DLG2: variants seen among roughly 807,000 people sequenced by gnomAD.
The protein encoded by DLG2 is disks large homolog 2.
Under a neutral mutation model 132.5 loss-of-function variants are expected in DLG2, and 45 were observed. That is an observed-to-expected ratio of 0.34 (90% confidence interval 0.27 to 0.44). DLG2 has a LOEUF of 0.44. Ranked by LOEUF, DLG2 falls within the 20% of genes least tolerant of loss-of-function variation. DLG2 has a pLI of 1.00. For synonymous variants in DLG2, 424 were observed against 419.6 expected, an observed-to-expected ratio of 1.01 and a Z score of -0.13; for missense variants, 1,045 against 1,196.9, an observed-to-expected ratio of 0.87 and a Z score of 1.87.
intron 6 of DLG2, among the ~76,000 whole-genome samples, chr11:84,668,719 C>T (rs2099702479): frequency 2.0e-5 from 3 of 152,158 alleles, no homozygotes; most frequent in African/African-American, 4.8e-5. Context: ...AGTCAAGTCA[C>T]CATTTCCCCT....
At chr11:85,282,897 T>G (rs1478635764) in intron 4 of DLG2, among the ~76,000 whole-genome samples, 1 of 151,982 alleles carries the variant, frequency 6.6e-6, no homozygotes, top group East Asian at 1.9e-4. Flanking sequence ...CATGGAATAC[T>G]ACACAGCCAT....
chr11:85,450,085 C>T (rs760744385), intron 3 of DLG2, among the ~76,000 whole-genome samples: 1 of 151,992 alleles, frequency 6.6e-6, no homozygotes, highest in African/African-American at 2.4e-5. Context: ...GCCAAGATCG[C>T]ACCACTGCAC....
chr11:83,515,192 C>T (rs1180952905), intron 21 of DLG2, among the ~76,000 whole-genome samples: 1 of 152,150 alleles, frequency 6.6e-6, no homozygotes, highest in Admixed American at 6.6e-5. Context: ...TTAATTATTG[C>T]CTCAATATCA....
At chr11:84,116,990 T>C (rs1255474939) in intron 9 of DLG2, among the ~76,000 whole-genome samples, 1 of 152,226 alleles carries the variant, frequency 6.6e-6, no homozygotes, top group Non-Finnish European at 1.5e-5. Context: ...CAAACCCCAG[T>C]ATTCACTTTA....
intron 11 of DLG2, among the ~76,000 whole-genome samples, chr11:84,031,376 T>C (rs1336810660): frequency 1.3e-5 from 2 of 152,172 alleles, no homozygotes; most frequent in Non-Finnish European, 2.9e-5. Context: ...TAAGGGTTCA[T>C]AGTTTTTATT....
intron 6 of DLG2, among the ~76,000 whole-genome samples, chr11:84,867,202 T>G (rs1600258621): frequency 6.6e-6 from 1 of 152,272 alleles, no homozygotes; most frequent in South Asian, 2.1e-4. Flanking sequence ...AGAAACAAAA[T>G]CAACCTTCCA....
chr11:83,631,576 C>G (rs939548496), intron 19 of DLG2: 1 of 152,072 alleles, frequency 6.6e-6, no homozygotes, highest in African/African-American at 2.4e-5. Flanking sequence ...AATCTAATTA[C>G]TACTCTTTCA....
At chr11:85,512,919 C>T (rs1234369180) in intron 3 of DLG2, among the ~76,000 whole-genome samples, 2 of 151,970 alleles carry the variant, frequency 1.3e-5, no homozygotes, top group Non-Finnish European at 2.9e-5. Context: ...CTATTCACAA[C>T]AGCAAAAACA....
intron 5 of DLG2, chr11:85,132,994 C>G (rs1390538930): frequency 2.3e-5 from 8 of 342,910 alleles, no homozygotes; most frequent in Non-Finnish European, 2.9e-5. Flanking sequence ...CTGCTAGGCA[C>G]CAGAAAATCC....
intron 6 of DLG2, among the ~76,000 whole-genome samples, chr11:84,839,807 A>G (rs1599405234): frequency 6.6e-6 from 1 of 152,160 alleles, no homozygotes; most frequent in Non-Finnish European, 1.5e-5. Flanking sequence ...CTGAAACTGG[A>G]TCCCTTCCTT....
At chr11:83,914,623 C>T (rs986469180) in intron 15 of DLG2, among the ~76,000 whole-genome samples, 1 of 152,122 alleles carries the variant, frequency 6.6e-6, no homozygotes, top group Non-Finnish European at 1.5e-5. Context: ...AAAAAATTCT[C>T]ATTTTATGGA....
chr11:85,459,118 G>A (rs917500777), intron 3 of DLG2, among the ~76,000 whole-genome samples: 1 of 152,190 alleles, frequency 6.6e-6, no homozygotes, highest in South Asian at 2.1e-4. Flanking sequence ...AGAGCAGCTT[G>A]CTGGAGGTGT....
intron 7 of DLG2, among the ~76,000 whole-genome samples, chr11:84,295,484 G>A (rs2098077949): frequency 6.6e-6 from 1 of 151,990 alleles, no homozygotes; most frequent in Non-Finnish European, 1.5e-5. Flanking sequence ...CTCTTCTGGG[G>A]GTGCCTTGAT....
intron 7 of DLG2, among the ~76,000 whole-genome samples, chr11:84,483,466 A>AG (rs397978124): frequency 0.019 from 1 of 54 alleles, no homozygotes; most frequent in Non-Finnish European, 0.036. Context: ...CCCTGCTTAC[A>AG]TTAGTCTCTG....
At chr11:85,179,202 T>G (rs564482783) in intron 4 of DLG2, among the ~76,000 whole-genome samples, 1 of 151,882 alleles carries the variant, frequency 6.6e-6, no homozygotes, top group African/African-American at 2.4e-5. Flanking sequence ...GAGAAAATAA[T>G]TGCTGTCCTA....
intron 6 of DLG2, among the ~76,000 whole-genome samples, chr11:85,045,734 G>A (rs968890085): frequency 1.3e-5 from 2 of 151,976 alleles, no homozygotes; most frequent in Non-Finnish European, 2.9e-5. Context: ...AAGTTCAAGT[G>A]CATGAGCTTA....
chr11:84,235,543 T>TA (rs778921474), intron 8 of DLG2, among the ~76,000 whole-genome samples: 1,726 of 147,858 alleles, frequency 0.012, 14 homozygotes, highest in Middle Eastern at 0.038. Flanking sequence ...GAACCTGTCT[T>TA]AAAAAAAAAA....
chr11:83,950,553 A>G (rs1168910125), intron 14 of DLG2, among the ~76,000 whole-genome samples: 1 of 152,224 alleles, frequency 6.6e-6, no homozygotes, highest in Non-Finnish European at 1.5e-5. Flanking sequence ...AGATCGTGCC[A>G]TTGCACTCCA....
chr11:84,171,004 T>C (rs1429854450), intron 8 of DLG2, among the ~76,000 whole-genome samples: 1 of 152,152 alleles, frequency 6.6e-6, no homozygotes, highest in Non-Finnish European at 1.5e-5. Context: ...ATAAAAGGCC[T>C]CAACAGGGAG....
Sources: gnomAD v4.1 joint callset for allele counts (sites outside exome capture counted in the v4.1 genomes callset) on GRCh38, gnomAD v4.1.1 for gene constraint, MANE v1.5 for transcripts, NCBI Gene and HGNC (gene_info 2026-07-23, HGNC 2026-07-21) for gene names.